Variants in SGMS2 observed in about 807,000 individuals in gnomAD.
The protein encoded by SGMS2 is phosphatidylcholine:ceramide cholinephosphotransferase 2.
A neutral mutation model predicts 43.8 loss-of-function variants in SGMS2; 21 were observed. That is an observed-to-expected ratio of 0.48 (90% CI 0.34 to 0.69). The LOEUF is 0.69. Ranked by LOEUF, SGMS2 falls within the 30% of genes least tolerant of loss-of-function variation. SGMS2 has a pLI of 0.01. For synonymous variants in SGMS2, 167 were observed against 160.6 expected, an observed-to-expected ratio of 1.04 and a Z score of -0.30; for missense variants, 384 against 443.2, an observed-to-expected ratio of 0.87 and a Z score of 1.20.
intron 2 of SGMS2, among the ~76,000 whole-genome samples, chr4:107,888,951 C>G (rs2126104233): frequency 6.6e-6 from 1 of 152,228 alleles, no homozygotes; most frequent in African/African-American, 2.4e-5. Flanking sequence ...TTTGGAACCA[C>G]CATTGCAAAA....
chr4:107,883,619 A>G (rs1364134290), intron 2 of SGMS2, among the ~76,000 whole-genome samples: 3 of 152,214 alleles, frequency 2.0e-5, no homozygotes, highest in African/African-American at 4.8e-5. Flanking sequence ...GCAATTTTAT[A>G]GTTACTATGG....
chr4:107,909,025 AG>A (rs1189727793), intron 6 of SGMS2, among the ~76,000 whole-genome samples: 2 of 152,204 alleles, frequency 1.3e-5, no homozygotes, highest in Non-Finnish European at 2.9e-5. Flanking sequence ...TCTCTGTAAA[AG>A]CATTGTAGTG....
At chr4:107,871,178 G>A (rs1481376900) in intron 2 of SGMS2, among the ~76,000 whole-genome samples, 1 of 152,114 alleles carries the variant, frequency 6.6e-6, no homozygotes, top group Non-Finnish European at 1.5e-5. Flanking sequence ...GCTGATAGGC[G>A]GAGCTTGGCA....
At chr4:107,833,380 T>C (rs1412318569) in intron 1 of SGMS2, among the ~76,000 whole-genome samples, 1 of 152,190 alleles carries the variant, frequency 6.6e-6, no homozygotes, top group East Asian at 1.9e-4. Context: ...GATGTTCACA[T>C]CCTAATTCCC....
At chr4:107,847,149 T>C (rs2126008466) in intron 1 of SGMS2, among the ~76,000 whole-genome samples, 1 of 151,726 alleles carries the variant, frequency 6.6e-6, no homozygotes, top group Admixed American at 6.6e-5. Context: ...TGGCTTTTAT[T>C]GCCATTGCTT....
intron 2 of SGMS2, among the ~76,000 whole-genome samples, chr4:107,863,115 C>T (rs921651567): frequency 5.3e-5 from 8 of 152,120 alleles, no homozygotes; most frequent in Non-Finnish European, 1.2e-4. Flanking sequence ...TGCAGTCTCT[C>T]CCCAGAAGAA....
chr4:107,888,310 T>C (rs923181684), intron 2 of SGMS2, among the ~76,000 whole-genome samples: 3 of 152,134 alleles, frequency 2.0e-5, no homozygotes, highest in Non-Finnish European at 4.4e-5. Context: ...TACAAAGAGA[T>C]ACATGGATGC....
chr4:107,910,573 A>C lies in SGMS2; in HGVS notation c.*20A>C, dbSNP rs187385708. 1,691 of 1,610,008 alleles carry C rather than the reference A, an allele frequency of 1.1e-3. 10 individuals are homozygous for C. The Middle Eastern group carries it at 0.011, about 11-fold the overall frequency. On this transcript the variant is annotated 3_prime_UTR_variant, in exon 7 of 7. Coordinates refer to ENST00000690982, the MANE Select transcript of SGMS2 (RefSeq NM_001375905.1). ...ACCTGAGGAGCAAAACAAAGGCATC[A>C]GCTCTTACACCAAAAGAGTTAACGC... is the stretch of plus-strand genomic sequence containing the variant.
At chr4:107,859,039 A>G (rs935902457) in intron 2 of SGMS2, among the ~76,000 whole-genome samples, 9 of 152,250 alleles carry the variant, frequency 5.9e-5, no homozygotes, top group African/African-American at 2.2e-4. Flanking sequence ...TGTGGCAGTT[A>G]TACCCATTCT....
At chr4:107,860,681 C>A (rs548328554) in intron 2 of SGMS2, among the ~76,000 whole-genome samples, 2 of 151,948 alleles carry the variant, frequency 1.3e-5, no homozygotes, top group African/African-American at 4.8e-5. Flanking sequence ...CCCACCATTG[C>A]GCCTGGCTAA....
At chr4:107,879,963 C>T (rs1729218868) in intron 2 of SGMS2, among the ~76,000 whole-genome samples, 1 of 152,132 alleles carries the variant, frequency 6.6e-6, no homozygotes, top group Non-Finnish European at 1.5e-5. Context: ...CTCAGATAAC[C>T]ACTAATTACT....
intron 5 of SGMS2, among the ~76,000 whole-genome samples, chr4:107,903,648 A>G (rs777734409): frequency 1.1e-4 from 17 of 152,158 alleles, no homozygotes; most frequent in Non-Finnish European, 1.8e-4. Flanking sequence ...AGCATTTAAC[A>G]TGCCTCTAAA....
intron 1 of SGMS2, among the ~76,000 whole-genome samples, chr4:107,829,254 A>G: frequency 6.6e-6 from 1 of 152,338 alleles, no homozygotes; most frequent in East Asian, 1.9e-4. Flanking sequence ...TTTTATTATA[A>G]ATATAAAGCA....
At chr4:107,899,751 C>A in intron 4 of SGMS2, 59 bp downstream of exon 4, 1 of 1,154,732 alleles carries the variant, frequency 8.7e-7, no homozygotes, top group Non-Finnish European at 1.3e-6. Flanking sequence ...TGATCACTTA[C>A]CCTGTATTAT....
At chr4:107,901,841 A>C (rs1049611934) in intron 4 of SGMS2, among the ~76,000 whole-genome samples, 1 of 152,108 alleles carries the variant, frequency 6.6e-6, no homozygotes, top group Non-Finnish European at 1.5e-5. Context: ...TTCCCTGAGA[A>C]AGCTTTCTAG....
chr4:107,898,566 A>G (rs1730865521), intron 3 of SGMS2, among the ~76,000 whole-genome samples: 1 of 152,188 alleles, frequency 6.6e-6, no homozygotes, highest in Admixed American at 6.5e-5. Context: ...TAGCAAGTCT[A>G]GGGGCTTTAT....
chr4:107,872,761 T>C (rs1728642364), intron 2 of SGMS2, among the ~76,000 whole-genome samples: 1 of 152,170 alleles, frequency 6.6e-6, no homozygotes, highest in Non-Finnish European at 1.5e-5. Flanking sequence ...CAAAAAAAGA[T>C]AAAAAGTGAA....
chr4:107,882,582 T>TA (rs1327005106), intron 2 of SGMS2, among the ~76,000 whole-genome samples: 4 of 152,070 alleles, frequency 2.6e-5, no homozygotes, highest in Non-Finnish European at 4.4e-5. Flanking sequence ...TTTCAATTTT[T>TA]AAAAAAAATC....
At position 107,914,147 on chromosome 4, in the gene SGMS2, G is replaced by C. The variant is rs928819621; in HGVS notation, c.*3594G>C. 2.0e-5 allele frequency: 3 copies of C among 151,924 alleles called. No individual in the cohort carries two copies. The highest frequency in any genetic ancestry group is 4.4e-5 in the Non-Finnish European group (3 of 67,916). The allele number at this position is 151,924 out of a possible 1,614,324, so 9.4% of individuals were successfully genotyped here. On this transcript the variant is annotated 3_prime_UTR_variant, in exon 7 of 7. Coordinates refer to ENST00000690982, the MANE Select transcript of SGMS2 (RefSeq NM_001375905.1). ...ATAATTTAACTCCTTTGACTCAGTT[G>C]CTGAAAATATTTCTTCTATTAAGAA...
Sources: allele counts gnomAD v4.1 joint callset (sites outside exome capture counted in the v4.1 genomes callset), GRCh38; gene constraint gnomAD v4.1.1; transcripts MANE v1.5; gene names NCBI Gene and HGNC (gene_info 2026-07-23, HGNC 2026-07-21).